RFK: variants seen among roughly 807,000 people sequenced by gnomAD.
RFK encodes the protein 0610038L10Rik.
In RFK, 4 loss-of-function variants were observed where a neutral mutation model predicts 17.6. That is an observed-to-expected ratio of 0.23 (90% CI 0.11 to 0.52). RFK has a LOEUF of 0.52. Ranked by LOEUF, RFK falls within the 20% of genes least tolerant of loss-of-function variation. RFK has a pLI of 0.96. For synonymous variants in RFK, 59 were observed against 63.8 expected (o/e 0.92, Z 0.36); for missense variants, 189 against 187.7 (o/e 1.01, Z -0.04).
chr9:76,387,902 G>C (rs930672866), intron 3 of RFK: 4 of 232,364 alleles, frequency 1.7e-5, no homozygotes, highest in Non-Finnish European at 3.5e-5. Flanking sequence ...AGGAAGCTGA[G>C]GCAGGAGAAT....
intron 1 of RFK, 83 bp from the exon 2 acceptor site, chr9:76,392,652 A>C (rs1210082425): frequency 4.3e-6 from 6 of 1,399,114 alleles, no homozygotes; most frequent in Non-Finnish European, 6.0e-6. Context: ...CATGTCTGTA[A>C]TTCTAGGACT....
At chr9:76,394,009 C>T (rs1271200548) in intron 1 of RFK, 81 bp downstream of exon 1, 3 of 1,383,366 alleles carry the variant, frequency 2.2e-6, no homozygotes, top group East Asian at 2.7e-5. Flanking sequence ...GCCCCACGCC[C>T]CGGTCCCAAG....
At chr9:76,388,498 T>C (rs1822771703) in intron 3 of RFK, 56 bp downstream of exon 3, 1 of 1,049,660 alleles carries the variant, frequency 9.5e-7, no homozygotes, top group African/African-American at 1.6e-5. Context: ...GTAGTAGTGG[T>C]AGAGTTACCT....
intron 1 of RFK, chr9:76,393,666 ATGT>A: frequency 5.4e-6 from 1 of 184,978 alleles, no homozygotes; most frequent in Non-Finnish European, 1.1e-5. Context: ...TCAACTACCT[ATGT>A]TATCATTTGG....
intron 1 of RFK, among the ~76,000 whole-genome samples, chr9:76,393,510 G>A (rs1206051179): frequency 6.6e-6 from 1 of 152,114 alleles, no homozygotes; most frequent in Non-Finnish European, 1.5e-5. Flanking sequence ...CCCGGCCAAA[G>A]CTTCTTATTT....
chr9:76,387,693 A>G (rs1822757185), intron 3 of RFK, 164 bp from the exon 4 acceptor site: 1 of 609,372 alleles, frequency 1.6e-6, no homozygotes. Flanking sequence ...GCCTAAGTCA[A>G]TGGTACACAA....
rs1046959105 is a variant in RFK at position 76,385,979 on chromosome 9, A to C, written c.*1420T>G. The C allele has an allele frequency of 3.3e-5, 5 of 152,236 alleles. No homozygotes were observed. The highest frequency in any genetic ancestry group is 5.9e-5 in the Non-Finnish European group (4 of 68,026). 9.4% of individuals were successfully genotyped at this position (152,236 alleles called of 1,614,324 possible). A position where few individuals can be genotyped will look rare whatever the true frequency, so the allele number is the denominator to read the frequency against. On this transcript the variant is annotated 3_prime_UTR_variant, in exon 4 of 4. Transcript: ENST00000376736. ...AACAGCTTTAGATGTTTTTCTGAGT[A>C]CTTTTTACACAGAATATTTTTATTA...
intron 1 of RFK, 27 bp downstream of exon 1, chr9:76,394,062 CG>C: frequency 6.4e-7 from 1 of 1,568,202 alleles, no homozygotes. Context: ...TGACCCGGCC[CG>C]GGGGACTCTG....
rs963940715 is a variant in RFK, at chr9:76,385,763, G to A, written c.*1636C>T. The A allele has an allele frequency of 6.6e-6, 1 of 152,164 alleles. No individual in the cohort carries two copies. The allele number at this position is 152,164 out of a possible 1,614,324, so 9.4% of individuals were successfully genotyped here. On this transcript the variant is annotated 3_prime_UTR_variant, in exon 4 of 4. Coordinates refer to ENST00000376736, the MANE Select transcript of RFK (RefSeq NM_018339.6). ...AAAGATAGCATTTAGCAGCAAGTTA[G>A]TCAGACAAAACAAACACAAATATTT...
intron 3 of RFK, chr9:76,388,319 T>C (rs928590328): frequency 3.7e-5 from 23 of 613,824 alleles, no homozygotes; most frequent in African/African-American, 5.4e-5. Context: ...TTATTTACTA[T>C]GTGACTTTGA....
At chr9:76,392,172 G>A (rs1214752368) in intron 2 of RFK, among the ~76,000 whole-genome samples, 1 of 152,008 alleles carries the variant, frequency 6.6e-6, no homozygotes, top group Non-Finnish European at 1.5e-5. Context: ...GAGGAAATGA[G>A]GGACATAAAA....
intron 1 of RFK, 153 bp downstream of exon 1, chr9:76,393,937 C>T (rs1221756683): frequency 8.6e-6 from 6 of 697,702 alleles, no homozygotes; most frequent in Non-Finnish European, 9.1e-6. Flanking sequence ...GCCAACGGTC[C>T]TCCGCCACAG....
rs1370267791 is a variant in RFK at position 76,385,849 on chromosome 9, T to C, written c.*1550A>G. On this transcript the variant is annotated 3_prime_UTR_variant, in exon 4 of 4. Coordinates refer to ENST00000376736, the MANE Select transcript of RFK (RefSeq NM_018339.6). Reference sequence around the variant, plus strand: ...TAAAGCCACTGATAATTGAGGTTTCTTTCAAGTATAAGATTTCTAAAATTA... The same window carrying C: ...TAAAGCCACTGATAATTGAGGTTTCCTTCAAGTATAAGATTTCTAAAATTA... The C allele has an allele frequency of 6.6e-6, 1 of 152,218 alleles. No individual in the cohort carries two copies. 9.4% of individuals were successfully genotyped at this position (152,218 alleles called of 1,614,324 possible).
Position 76,394,135 on chromosome 9 carries a change from C to T in RFK, c.37G>A (p.Val13Met), listed in dbSNP as rs558211577. 2.1e-5 allele frequency: 34 copies of T among 1,609,750 alleles called. No homozygotes were observed. Among genetic ancestry groups the T allele is most frequent in the Non-Finnish European group, 5.1e-6 (6 of 1,179,002 alleles). Residue 13 changes from valine to methionine, a missense_variant, in exon 1 of 4, where the codon GTG becomes ATG. Physicochemically the swap from Val to Met is conservative, Grantham distance 21. Transcript: ENST00000376736. ...HLPYFCRGQV[V>M]RGFGRGSKQL... The stretch of plus-strand genomic sequence containing the variant: ...TTGGAGCCGCGGCCGAAGCCCCGCA[C>T]CACTTGACCCCGGCAGAAGTAAGGC...
chr9:76,386,968 C>G lies in RFK; in HGVS notation c.*431G>C, dbSNP rs1324862146. Reference sequence around the variant, plus strand: ...CCTCCCACCTCGGCCTCCCAAAGTGCTGGGATTACCGGTGTGAGCCACTGC... The same window carrying G: ...CCTCCCACCTCGGCCTCCCAAAGTGGTGGGATTACCGGTGTGAGCCACTGC... On this transcript the variant is annotated 3_prime_UTR_variant, in exon 4 of 4. Transcript: ENST00000376736. 6.5e-6 allele frequency: 1 copy of G among 153,230 alleles called. No individual in the cohort carries two copies. Among genetic ancestry groups the G allele is most frequent in the Non-Finnish European group, 1.5e-5 (1 of 68,860 alleles). 9.5% of individuals were successfully genotyped at this position (153,230 alleles called of 1,614,324 possible). A position where few individuals can be genotyped will look rare whatever the true frequency, so the allele number is the denominator to read the frequency against.
chr9:76,392,363 T>C (rs1466526533), intron 2 of RFK, 55 bp downstream of exon 2: 2 of 1,566,876 alleles, frequency 1.3e-6, no homozygotes, highest in Non-Finnish European at 1.8e-6. Context: ...TACTGTAATA[T>C]ATTATTCTAA....
intron 3 of RFK, 153 bp downstream of exon 3, chr9:76,388,401 G>T: frequency 1.5e-6 from 1 of 647,482 alleles, no homozygotes; most frequent in Non-Finnish European, 2.8e-6. Flanking sequence ...ACAGGTGAAA[G>T]AAGATAGATT....
intron 2 of RFK, among the ~76,000 whole-genome samples, chr9:76,392,029 G>A (rs948333941): frequency 1.3e-5 from 2 of 151,820 alleles, no homozygotes; most frequent in Non-Finnish European, 2.9e-5. Context: ...ATTTCAGGAT[G>A]TTAAATATAA....
At chr9:76,387,602 C>A in intron 3 of RFK, 73 bp from the exon 4 acceptor site, 1 of 1,456,776 alleles carries the variant, frequency 6.9e-7, no homozygotes, top group Admixed American at 2.0e-5. Context: ...TCTGTTTAGC[C>A]AATCCTAAAA....
Sources: gnomAD v4.1 joint callset for allele counts (sites outside exome capture counted in the v4.1 genomes callset) on GRCh38, gnomAD v4.1.1 for gene constraint, MANE v1.5 for transcripts, NCBI Gene and HGNC (gene_info 2026-07-23, HGNC 2026-07-21) for gene names.